The following LRRC7 variants were observed in gnomAD, a reference collection of about 807,000 sequenced individuals.
LRRC7 encodes the protein leucine rich repeat containing 7.
In LRRC7, 23 loss-of-function variants were observed where a neutral mutation model predicts 175.7. That is an observed-to-expected ratio of 0.13 (90% CI 0.09 to 0.19). The LOEUF is 0.19. Among genes scored for constraint, LRRC7 ranks in the 10% least tolerant of loss-of-function variants. LRRC7 has a pLI of 1.00. For missense variants in LRRC7, 1,354 were observed against 1,904.7 expected, an observed-to-expected ratio of 0.71 and a Z score of 5.38; for synonymous variants, 685 against 680.9, an observed-to-expected ratio of 1.01 and a Z score of -0.09.
intron 4 of LRRC7, among the ~76,000 whole-genome samples, chr1:69,802,846 GA>G (rs1445881184): frequency 1.3e-5 from 2 of 151,224 alleles, no homozygotes; most frequent in African/African-American, 4.8e-5. Context: ...AATTATTTAA[GA>G]AAATCTTCCC....
At chr1:69,693,414 A>T (rs1231040274) in intron 2 of LRRC7, among the ~76,000 whole-genome samples, 1 of 152,202 alleles carries the variant, frequency 6.6e-6, no homozygotes. Context: ...ATTGGCTCCC[A>T]TGATTTTGGA....
At chr1:69,749,003 G>A (rs980936997) in intron 2 of LRRC7, among the ~76,000 whole-genome samples, 6 of 152,142 alleles carry the variant, frequency 3.9e-5, no homozygotes, top group African/African-American at 1.2e-4. Context: ...TTGCCTGGAA[G>A]CCAAACTCTT....
intron 11 of LRRC7, among the ~76,000 whole-genome samples, chr1:70,011,320 G>A (rs910789247): frequency 6.6e-6 from 1 of 150,438 alleles, no homozygotes; most frequent in Non-Finnish European, 1.5e-5. Context: ...TTTTTATGAG[G>A]AAGAGAATTG....
At chr1:69,942,684 G>A (rs2101802031) in intron 8 of LRRC7, among the ~76,000 whole-genome samples, 1 of 151,916 alleles carries the variant, frequency 6.6e-6, no homozygotes, top group Middle Eastern at 3.4e-3. Context: ...TGACCCCCTT[G>A]CCTCTCTCTT....
At chr1:69,923,152 AT>A (rs537232147) in intron 7 of LRRC7, among the ~76,000 whole-genome samples, 11 of 152,034 alleles carry the variant, frequency 7.2e-5, no homozygotes, top group African/African-American at 2.4e-4. Context: ...TGAACTCTTC[AT>A]TTTTTATGGC....
chr1:69,597,161 A>G (rs1272433260), intron 1 of LRRC7, among the ~76,000 whole-genome samples: 1 of 152,166 alleles, frequency 6.6e-6, no homozygotes, highest in Non-Finnish European at 1.5e-5. Context: ...GTCTTATGAC[A>G]TTTACTTTTA....
intron 14 of LRRC7, 41 bp downstream of exon 14, chr1:70,016,575 T>G: frequency 6.9e-7 from 1 of 1,447,646 alleles, no homozygotes; most frequent in Admixed American, 2.3e-5. Context: ...TAAGATGAAC[T>G]ATAATTGAAA....
At chr1:69,623,867 A>G (rs925036245) in intron 1 of LRRC7, among the ~76,000 whole-genome samples, 2 of 152,050 alleles carry the variant, frequency 1.3e-5, no homozygotes, top group Non-Finnish European at 2.9e-5. Flanking sequence ...CAGTTTATCC[A>G]TGTTCATTTT....
At chr1:70,098,291 T>C (rs2102190274) in intron 25 of LRRC7, among the ~76,000 whole-genome samples, 1 of 152,126 alleles carries the variant, frequency 6.6e-6, no homozygotes, top group Non-Finnish European at 1.5e-5. Context: ...AGACACAACA[T>C]ACCAAAATCT....
chr1:69,856,425 G>C (rs890933775), intron 7 of LRRC7, among the ~76,000 whole-genome samples: 8 of 152,064 alleles, frequency 5.3e-5, no homozygotes, highest in Admixed American at 3.9e-4. Context: ...AAATGATAAA[G>C]GAGATACCAC....
intron 9 of LRRC7, among the ~76,000 whole-genome samples, chr1:69,983,001 C>G (rs58574417): frequency 0.07 from 10,708 of 152,156 alleles, 796 homozygotes; most frequent in African/African-American, 0.19. Context: ...AAGCTGGAAG[C>G]TTCAAGGAGA....
intron 1 of LRRC7, among the ~76,000 whole-genome samples, chr1:69,659,009 T>C (rs1055902836): frequency 1.3e-5 from 2 of 152,028 alleles, no homozygotes; most frequent in African/African-American, 2.4e-5. Flanking sequence ...GTAGCTGTAA[T>C]TGGAGCTATA....
intron 7 of LRRC7, among the ~76,000 whole-genome samples, chr1:69,852,312 G>A (rs926866082): frequency 2.0e-5 from 3 of 152,032 alleles, no homozygotes; most frequent in Non-Finnish European, 4.4e-5. Flanking sequence ...TGCAAAGAAC[G>A]TTTACAATGT....
intron 16 of LRRC7, 130 bp from the exon 17 acceptor site, chr1:70,022,996 T>A (rs1191702255): frequency 8.4e-7 from 1 of 1,183,442 alleles, no homozygotes; most frequent in Non-Finnish European, 1.1e-6. Context: ...GATTTAAAAC[T>A]AACTTTATGA....
chr1:69,866,593 T>A lies in LRRC7; in HGVS notation c.647+28310T>A, dbSNP rs140280574. 4.3e-3 allele frequency among the ~76,000 whole-genome samples: 658 copies of A among 152,340 alleles called. 9 individuals carry two copies. Among genetic ancestry groups the A allele is most frequent in the Middle Eastern group, 0.031 (9 of 294 alleles). ...ATAATTGTGGCTAAATAAGAGGATATTTACATCTTATAAAATGAAAGCATC... is the reference window on the plus strand; with the variant it reads ...ATAATTGTGGCTAAATAAGAGGATAATTACATCTTATAAAATGAAAGCATC... On this transcript the variant is annotated intron_variant, in intron 7 of 26. Coordinates refer to ENST00000651989, the MANE Select transcript of LRRC7 (RefSeq NM_001370785.2).
intron 8 of LRRC7, among the ~76,000 whole-genome samples, chr1:69,964,974 T>A (rs1651515321): frequency 6.6e-6 from 1 of 152,138 alleles, no homozygotes. Context: ...ATATGTGGAG[T>A]AATAGCTGCA....
At chr1:69,808,034 T>C (rs571235353) in intron 4 of LRRC7, among the ~76,000 whole-genome samples, 1 of 151,842 alleles carries the variant, frequency 6.6e-6, no homozygotes, top group South Asian at 2.1e-4. Context: ...CTTCATGATT[T>C]ACTTCATTAA....
intron 24 of LRRC7, among the ~76,000 whole-genome samples, chr1:70,080,397 TA>T (rs1381480612): frequency 6.6e-6 from 1 of 152,200 alleles, no homozygotes; most frequent in Non-Finnish European, 1.5e-5. Flanking sequence ...GAACTTTGTT[TA>T]ACCATGAAGA....
In LRRC7 at chr1:69,571,964, CATT is replaced by C. The variant is rs549447634; in HGVS notation, c.2+3327_2+3329del. On this transcript the variant is annotated intron_variant, in intron 1 of 26. Coordinates refer to ENST00000651989, the MANE Select transcript of LRRC7 (RefSeq NM_001370785.2). ...TAATAGCCACACTACCACTGAAAGA[CATT>C]ATTTGGTGTATTTTGTTGTCTCTAA... 2.0e-4 allele frequency among the ~76,000 whole-genome samples: 30 copies of C among 152,200 alleles called. 1 individual carries two copies. Among genetic ancestry groups the C allele is most frequent in the Middle Eastern group, 3.4e-3 (1 of 294 alleles).
Sources: gnomAD v4.1 joint callset for allele counts (sites outside exome capture counted in the v4.1 genomes callset) on GRCh38, gnomAD v4.1.1 for gene constraint, MANE v1.5 for transcripts, NCBI Gene and HGNC (gene_info 2026-07-23, HGNC 2026-07-21) for gene names.